Variants in ARHGAP28 observed in about 807,000 individuals in gnomAD.
The protein encoded by ARHGAP28 is Rho GTPase activating protein 28.
A neutral mutation model predicts 90.7 loss-of-function variants in ARHGAP28; 56 were observed. The observed-to-expected ratio is 0.62, with a 90% confidence interval of 0.50 to 0.77. The LOEUF (loss-of-function observed/expected upper bound fraction) is 0.77, where lower values mean the gene tolerates loss of function less well. Among genes scored for constraint, ARHGAP28 ranks in the 30% least tolerant of loss-of-function variants. ARHGAP28 has a pLI of 0.00. For missense variants in ARHGAP28, 869 were observed against 900.9 expected (o/e 0.96, Z 0.45); for synonymous variants, 308 against 323.3 (o/e 0.95, Z 0.51).
chr18:6,777,754 A>ATGAATGAATGAG (rs1555625888), intron 1 of ARHGAP28, among the ~76,000 whole-genome samples: 4 of 150,876 alleles, frequency 2.7e-5, no homozygotes, highest in African/African-American at 4.9e-5. Flanking sequence ...GAATGAGTGA[A>ATGAATGAATGAG]TGAATGAATG....
At position 6,837,415 on chromosome 18, in the gene ARHGAP28, G is replaced by T. The variant is rs1219321054; in HGVS notation, c.543+1G>T. On this transcript the variant is annotated splice_donor_variant, in intron 3 of 17. Transcript: ENST00000383472. LOFTEE classifies it high-confidence loss of function. ...CATTTTTGGAGTCAGTGAATCTCCT[G>T]TAAGTAATGGCTCAAACATGGCTCA... 10 of 1,364,948 alleles carry T rather than the reference G, an allele frequency of 7.3e-6. No individual in the cohort carries two copies. The highest frequency in any genetic ancestry group is 1.5e-5 in the African/African-American group (1 of 66,638). The allele number at this position is 1,364,948 out of a possible 1,614,324, so 84.6% of individuals were successfully genotyped here. A position where few individuals can be genotyped will look rare whatever the true frequency, so the allele number is the denominator to read the frequency against.
chr18:6,864,551 A>G (rs2057023601), intron 5 of ARHGAP28, among the ~76,000 whole-genome samples: 3 of 152,202 alleles, frequency 2.0e-5, no homozygotes, highest in African/African-American at 4.8e-5. Context: ...GTTTATTTAC[A>G]TTATAATTTT....
intron 1 of ARHGAP28, among the ~76,000 whole-genome samples, chr18:6,758,748 T>C (rs555789552): frequency 4.6e-5 from 7 of 152,302 alleles, no homozygotes; most frequent in African/African-American, 1.7e-4. Flanking sequence ...GACCTGAAAA[T>C]AAGGTTTTAT....
intron 4 of ARHGAP28, among the ~76,000 whole-genome samples, chr18:6,856,047 C>A (rs2056950959): frequency 6.6e-6 from 1 of 151,928 alleles, no homozygotes; most frequent in South Asian, 2.1e-4. Context: ...CGGAATGAAC[C>A]CAGTGGGCGG....
chr18:6,842,534 C>T (rs1200647557), intron 3 of ARHGAP28, among the ~76,000 whole-genome samples: 1 of 152,206 alleles, frequency 6.6e-6, no homozygotes, highest in Non-Finnish European at 1.5e-5. Flanking sequence ...TTCAAGTTCT[C>T]TTCTTTTCCT....
Position 6,729,811 on chromosome 18 carries a change from C to G in ARHGAP28, c.-11C>G. ...GTTCTGGGGCCGGCGCCGAGACATG[C>G]GCGGCTGACGATGGAGGTGGAGGAC... On this transcript the variant is annotated 5_prime_UTR_variant, in exon 1 of 18. Transcript: ENST00000383472. 2 of 1,400,888 alleles carry G rather than the reference C, an allele frequency of 1.4e-6. No individual in the cohort carries two copies. Among genetic ancestry groups the G allele is most frequent in the African/African-American group, 3.0e-5 (2 of 66,828 alleles). The allele number at this position is 1,400,888 out of a possible 1,614,324, so 86.8% of individuals were successfully genotyped here.
intron 16 of ARHGAP28, among the ~76,000 whole-genome samples, chr18:6,902,783 A>T (rs2057344724): frequency 6.6e-6 from 1 of 152,248 alleles, no homozygotes; most frequent in South Asian, 2.1e-4. Flanking sequence ...TTACAAATAG[A>T]GTTACCATAT....
rs760556648 is a variant in ARHGAP28, at chr18:6,820,687, G to A, written c.123-4075G>A. 7.2e-4 allele frequency among the ~76,000 whole-genome samples: 109 copies of A among 152,172 alleles called. 2 individuals carry two copies. The highest frequency in any genetic ancestry group is 8.1e-4 in the Non-Finnish European group (55 of 68,010). On this transcript the variant is annotated intron_variant, in intron 1 of 17. Coordinates refer to ENST00000383472, the MANE Select transcript of ARHGAP28 (RefSeq NM_001366230.1). The stretch of plus-strand genomic sequence containing the variant: ...AAAAGAACATCAAAGAATTGTAACT[G>A]ACTCTCATCAGAATCAATAGACTCA...
At chr18:6,845,106 G>T (rs1167396875) in intron 3 of ARHGAP28, among the ~76,000 whole-genome samples, 1 of 152,036 alleles carries the variant, frequency 6.6e-6, no homozygotes, top group Non-Finnish European at 1.5e-5. Context: ...TTTGAGACTG[G>T]GTCTTGCTGT....
At chr18:6,798,596 A>G (rs987493691) in intron 1 of ARHGAP28, among the ~76,000 whole-genome samples, 2 of 152,232 alleles carry the variant, frequency 1.3e-5, no homozygotes, top group Non-Finnish European at 2.9e-5. Context: ...TAACTCAGGA[A>G]TGGAAAACCA....
chr18:6,746,147 G>A (rs550361413), intron 1 of ARHGAP28, among the ~76,000 whole-genome samples: 41 of 152,190 alleles, frequency 2.7e-4, no homozygotes, highest in African/African-American at 9.2e-4. Flanking sequence ...CAGCATTTAA[G>A]GTGTTTTACC....
chr18:6,764,246 AT>A (rs1197219212), intron 1 of ARHGAP28, among the ~76,000 whole-genome samples: 1 of 152,198 alleles, frequency 6.6e-6, no homozygotes, highest in Non-Finnish European at 1.5e-5. Context: ...GTGCATGAAT[AT>A]TAGTGTATAA....
Position 6,809,774 on chromosome 18 carries a change from C to T in ARHGAP28, c.123-14988C>T, listed in dbSNP as rs369155660. On this transcript the variant is annotated intron_variant, in intron 1 of 17. Transcript: ENST00000383472. Reference sequence around the variant, plus strand: ...GCCGCACCTCCAACATTGGGGATTACAATCCAACATGAGATTTGAGTGGGG... The same window carrying T: ...GCCGCACCTCCAACATTGGGGATTATAATCCAACATGAGATTTGAGTGGGG... 7.2e-5 allele frequency among the ~76,000 whole-genome samples: 11 copies of T among 152,294 alleles called. No homozygotes were observed. The South Asian group carries it at 1.0e-3, about 14-fold the overall frequency.
intron 3 of ARHGAP28, among the ~76,000 whole-genome samples, chr18:6,841,212 T>TCTCCTCTC: frequency 9.6e-6 from 1 of 104,646 alleles, no homozygotes; most frequent in Non-Finnish European, 1.9e-5. Context: ...TCCTCTCCTC[T>TCTCCTCTC]CTCTCTCTCT....
intron 1 of ARHGAP28, among the ~76,000 whole-genome samples, chr18:6,745,690 C>T (rs1417602256): frequency 6.6e-6 from 1 of 152,190 alleles, no homozygotes; most frequent in Non-Finnish European, 1.5e-5. Flanking sequence ...ATTAGCATTG[C>T]CTGTTCGTGG....
intron 16 of ARHGAP28, among the ~76,000 whole-genome samples, chr18:6,902,977 A>C (rs1039443290): frequency 6.6e-6 from 1 of 152,218 alleles, no homozygotes; most frequent in Non-Finnish European, 1.5e-5. Flanking sequence ...AATATGATTC[A>C]GCCATAAAAA....
intron 1 of ARHGAP28, among the ~76,000 whole-genome samples, chr18:6,730,646 C>T (rs1349364142): frequency 3.3e-5 from 5 of 152,146 alleles, no homozygotes; most frequent in Non-Finnish European, 7.4e-5. Context: ...AGTGATCATC[C>T]ATTTGATGCA....
chr18:6,739,855 C>CTTT (rs145660239), intron 1 of ARHGAP28, among the ~76,000 whole-genome samples: 1 of 134,822 alleles, frequency 7.4e-6, no homozygotes, highest in Non-Finnish European at 1.6e-5. Flanking sequence ...CATAAGAATT[C>CTTT]TTTTTTTTTT....
chr18:6,879,742 G>A (rs113699254), intron 10 of ARHGAP28, among the ~76,000 whole-genome samples: 60 of 152,332 alleles, frequency 3.9e-4, no homozygotes, highest in East Asian at 3.5e-3. Context: ...CAGCCAGTGC[G>A]GTGTTTATTG....
Sources: allele counts gnomAD v4.1 joint callset (sites outside exome capture counted in the v4.1 genomes callset), GRCh38; gene constraint gnomAD v4.1.1; transcripts MANE v1.5; gene names NCBI Gene and HGNC (gene_info 2026-07-23, HGNC 2026-07-21).